SIL1: variants seen among roughly 807,000 people sequenced by gnomAD.
SIL1 encodes nucleotide exchange factor SIL1.
In SIL1, 40 loss-of-function variants were observed where a neutral mutation model predicts 49.1. The observed-to-expected ratio is 0.81, with a 90% CI of 0.63 to 1.06. The LOEUF (loss-of-function observed/expected upper bound fraction) is 1.06. Among genes scored for constraint, SIL1 ranks in the 50% least tolerant of loss-of-function variants. SIL1 has a pLI of 0.00. For synonymous variants in SIL1, 253 were observed against 250.8 expected, an observed-to-expected ratio of 1.01 and a Z score of -0.08; for missense variants, 500 against 572.6, an observed-to-expected ratio of 0.87 and a Z score of 1.29.
chr5:139,185,532 G>A (rs921124633), intron 1 of SIL1, among the ~76,000 whole-genome samples: 1 of 152,190 alleles, frequency 6.6e-6, no homozygotes, highest in African/African-American at 2.4e-5. Context: ...TTCACTTAAA[G>A]TCACAGTTTC....
At chr5:139,165,023 A>C (rs1443457956) in intron 1 of SIL1, among the ~76,000 whole-genome samples, 3 of 152,210 alleles carry the variant, frequency 2.0e-5, no homozygotes, top group African/African-American at 7.2e-5. Flanking sequence ...TATTCTATAG[A>C]GAATCCCCTA....
rs562391846 is a variant in SIL1 at position 139,137,293 on chromosome 5, C to T, written c.-10-9440G>A. On this transcript the variant is annotated intron_variant, in intron 1 of 9. Transcript: ENST00000394817. The stretch of plus-strand genomic sequence containing the variant: ...GGTTCCAATATGCTGCTCATTTTAC[C>T]CATGAGGGGACCAAAATTCAGAGAG... The T allele has an allele frequency of 1.9e-5, 13 of 702,364 alleles. No homozygotes were observed. The South Asian group carries it at 1.9e-4, about 10-fold the overall frequency. The allele number at this position is 702,364 out of a possible 1,614,324, so 43.5% of individuals were successfully genotyped here.
At chr5:139,056,858 G>A (rs1014838793) in intron 3 of SIL1, among the ~76,000 whole-genome samples, 2 of 151,982 alleles carry the variant, frequency 1.3e-5, no homozygotes, top group African/African-American at 2.4e-5. Context: ...TGACAATGGC[G>A]GTTTTGTGGA....
intron 1 of SIL1, among the ~76,000 whole-genome samples, chr5:139,185,732 C>G (rs1189871227): frequency 6.6e-6 from 1 of 152,220 alleles, no homozygotes; most frequent in East Asian, 1.9e-4. Flanking sequence ...CGAGATATCC[C>G]AGGCAGCTAA....
chr5:139,093,209 C>T (rs1400982811), intron 3 of SIL1, among the ~76,000 whole-genome samples: 1 of 152,218 alleles, frequency 6.6e-6, no homozygotes, highest in Non-Finnish European at 1.5e-5. Flanking sequence ...ATGCCTTTGG[C>T]CACGTATGCC....
chr5:139,175,922 C>T (rs1751872368), intron 1 of SIL1, among the ~76,000 whole-genome samples: 1 of 152,080 alleles, frequency 6.6e-6, no homozygotes, highest in African/African-American at 2.4e-5. Flanking sequence ...ACGATCTTGC[C>T]ATTGCATGAT....
intron 7 of SIL1, among the ~76,000 whole-genome samples, chr5:138,995,673 T>C (rs1014531693): frequency 4.6e-5 from 7 of 152,236 alleles, no homozygotes; most frequent in African/African-American, 9.6e-5. Context: ...TCTATCAAAC[T>C]GTATATTTGT....
At chr5:139,143,240 T>C (rs1225640494) in intron 1 of SIL1, among the ~76,000 whole-genome samples, 1 of 130,346 alleles carries the variant, frequency 7.7e-6, no homozygotes. Flanking sequence ...TATACATATA[T>C]GTATATATAC....
chr5:138,989,993 T>C (rs1581010321), intron 7 of SIL1, among the ~76,000 whole-genome samples: 2 of 152,202 alleles, frequency 1.3e-5, no homozygotes, highest in African/African-American at 4.8e-5. Flanking sequence ...TCACTGTCCA[T>C]GGCTCTTTGG....
At chr5:138,983,725 C>T (rs1056307879) in intron 7 of SIL1, among the ~76,000 whole-genome samples, 34 of 152,012 alleles carry the variant, frequency 2.2e-4, no homozygotes, top group Non-Finnish European at 4.1e-4. Context: ...CCAAGAGTGA[C>T]GTCTGGCAGA....
intron 5 of SIL1, among the ~76,000 whole-genome samples, chr5:139,032,687 C>T (rs1301528933): frequency 6.6e-6 from 1 of 152,068 alleles, no homozygotes; most frequent in Non-Finnish European, 1.5e-5. Flanking sequence ...ACTATCTGAA[C>T]CTGGAGACTT....
At chr5:139,146,292 C>T (rs1197461586) in intron 1 of SIL1, among the ~76,000 whole-genome samples, 2 of 152,272 alleles carry the variant, frequency 1.3e-5, no homozygotes, top group East Asian at 1.9e-4. Flanking sequence ...AATGGTGGCT[C>T]ACACCTATAA....
chr5:139,130,517 G>A (rs780102206), intron 1 of SIL1, among the ~76,000 whole-genome samples: 9 of 151,990 alleles, frequency 5.9e-5, no homozygotes, highest in Non-Finnish European at 1.0e-4. Flanking sequence ...TGGAACCCTC[G>A]TACATTGCTG....
intron 3 of SIL1, among the ~76,000 whole-genome samples, chr5:139,085,509 A>C (rs1770198657): frequency 2.0e-5 from 3 of 152,190 alleles, no homozygotes; most frequent in South Asian, 2.1e-4. Flanking sequence ...GAAAGAAGTC[A>C]TGGAGTGGAA....
chr5:139,120,957 A>G lies in SIL1; in HGVS notation c.244+78T>C, dbSNP rs1750615893. 33 of 1,573,186 alleles carry G rather than the reference A, an allele frequency of 2.1e-5. 1 individual carries two copies. The South Asian group carries it at 3.6e-4, about 17-fold the overall frequency. On this transcript the variant is annotated intron_variant, in intron 3 of 9. Transcript: ENST00000394817. ...AGGCCAGAGAAGAGCAGCCTGAAGG[A>G]GCAGCCCTCTGGGGACAAAGGACAT...
Position 139,086,286 on chromosome 5 carries a change from A to G in SIL1, c.244+34749T>C, listed in dbSNP as rs111634195. On this transcript the variant is annotated intron_variant, in intron 3 of 9. Transcript: ENST00000394817. Reference sequence around the variant, plus strand: ...AGACCGTCTTAAAAAAAAAAAAAAAAAAGAAGAAGAAGAAGAAGCAATTTG... The same window carrying G: ...AGACCGTCTTAAAAAAAAAAAAAAAGAAGAAGAAGAAGAAGAAGCAATTTG... Among the ~76,000 whole-genome samples the G allele has an allele frequency of 2.7e-3, 389 of 145,206 alleles. 3 individuals carry two copies. Among genetic ancestry groups the G allele is most frequent in the African/African-American group, 7.2e-3 (280 of 39,004 alleles).
chr5:139,013,292 C>A (rs988226877), intron 7 of SIL1, among the ~76,000 whole-genome samples: 1 of 152,184 alleles, frequency 6.6e-6, no homozygotes, highest in African/African-American at 2.4e-5. Flanking sequence ...GACTCAGTTT[C>A]CTTAGGAAAC....
intron 1 of SIL1, among the ~76,000 whole-genome samples, chr5:139,172,027 C>T (rs1026712714): frequency 2.0e-5 from 3 of 152,090 alleles, no homozygotes; most frequent in Non-Finnish European, 4.4e-5. Context: ...TCTGAGAACA[C>T]TTGGAGACTG....
chr5:138,975,826 C>A (rs757778947), intron 7 of SIL1, among the ~76,000 whole-genome samples: 3 of 152,216 alleles, frequency 2.0e-5, no homozygotes, highest in Non-Finnish European at 4.4e-5. Context: ...ACCAGCCAGG[C>A]GTGTAAACTG....
Sources: gnomAD v4.1 joint callset for allele counts (sites outside exome capture counted in the v4.1 genomes callset) on GRCh38, gnomAD v4.1.1 for gene constraint, MANE v1.5 for transcripts, NCBI Gene and HGNC (gene_info 2026-07-23, HGNC 2026-07-21) for gene names.